The following EPB41L1 variants were observed in gnomAD, a reference collection of about 807,000 sequenced individuals.
EPB41L1 encodes the protein band 4.1-like protein 1.
Under a neutral mutation model 97.8 loss-of-function variants are expected in EPB41L1, and 29 were observed. The observed-to-expected ratio is 0.30, with a 90% CI of 0.22 to 0.40. The LOEUF (loss-of-function observed/expected upper bound fraction) is 0.40. Ranked by LOEUF, EPB41L1 falls within the 10% of genes least tolerant of loss-of-function variation. The pLI is 1.00. For missense variants in EPB41L1, 812 were observed against 1,162.3 expected (o/e 0.70, Z 4.38); for synonymous variants, 383 against 459.2 (o/e 0.83, Z 2.12).
intron 2 of EPB41L1, among the ~76,000 whole-genome samples, chr20:36,117,323 T>G (rs978852266): frequency 2.0e-5 from 3 of 152,216 alleles, no homozygotes; most frequent in African/African-American, 7.2e-5. Flanking sequence ...GTATTTCTTC[T>G]GTGACTCTTA....
At chr20:36,138,015 A>G (rs575987283) in intron 2 of EPB41L1, among the ~76,000 whole-genome samples, 2 of 152,334 alleles carry the variant, frequency 1.3e-5, no homozygotes, top group East Asian at 3.9e-4. Flanking sequence ...AATGTCCTCA[A>G]GTTCACCCAT....
chr20:36,109,321 T>C (rs2058311904), intron 1 of EPB41L1, among the ~76,000 whole-genome samples: 1 of 152,198 alleles, frequency 6.6e-6, no homozygotes, highest in Admixed American at 6.5e-5. Flanking sequence ...TCACTTGCTC[T>C]GTGTGTGACC....
In EPB41L1 at chr20:36,199,047, G is replaced by A. The variant is rs1439456474; in HGVS notation, c.1668+1006G>A. On this transcript the variant is annotated intron_variant, in intron 14 of 21. Coordinates refer to ENST00000338074, the MANE Select transcript of EPB41L1 (RefSeq NM_012156.2). ...AGTTCCAGACTCTTCCACAGAGGAG[G>A]TTAACTTCAAATCAGGATAAAGAAA... is the stretch of plus-strand genomic sequence containing the variant. Among the ~76,000 whole-genome samples, 3 of 152,180 alleles carry A rather than the reference G, an allele frequency of 2.0e-5. No homozygotes were observed. The East Asian group carries it at 5.8e-4, about 29-fold the overall frequency.
At chr20:36,123,173 C>CG (rs1450231006) in intron 2 of EPB41L1, among the ~76,000 whole-genome samples, 7 of 151,730 alleles carry the variant, frequency 4.6e-5, no homozygotes, top group Admixed American at 2.6e-4. Context: ...TCTCCATGAT[C>CG]GGGGGGGAGG....
At chr20:36,119,717 G>A (rs761821792) in intron 2 of EPB41L1, among the ~76,000 whole-genome samples, 7 of 151,998 alleles carry the variant, frequency 4.6e-5, no homozygotes, top group Admixed American at 1.3e-4. Flanking sequence ...GCAGGGTAGG[G>A]TATCTTCATG....
Position 36,190,207 on chromosome 20 carries a change from A to C in EPB41L1, c.1027-70A>C. ...AAACATTAAACAAATAAAATAAAAA[A>C]CACAAAGAATGGGCTAGTGGCGAGA... On this transcript the variant is annotated intron_variant, in intron 9 of 21. Transcript: ENST00000338074. This position sits in a 1 kb window ranked among gnomAD's most constrained non-coding sequence, Gnocchi z 5.8. 8.0e-7 allele frequency: 1 copy of C among 1,253,202 alleles called. No homozygotes were observed. The highest frequency in any genetic ancestry group is 1.2e-5 in the South Asian group (1 of 80,076). 77.6% of individuals were successfully genotyped at this position (1,253,202 alleles called of 1,614,324 possible). A position where few individuals can be genotyped will look rare whatever the true frequency, so the allele number is the denominator to read the frequency against.
intron 2 of EPB41L1, among the ~76,000 whole-genome samples, chr20:36,136,217 C>CTGGA (rs370158660): frequency 4.6e-5 from 7 of 152,226 alleles, no homozygotes; most frequent in South Asian, 2.1e-4. Flanking sequence ...GTTGCCCAGG[C>CTGGA]TGGAGTGCAG....
At position 36,209,812 on chromosome 20, in the gene EPB41L1, G is replaced by T; in HGVS notation, c.1993G>T (p.Ala665Ser). 6.2e-7 allele frequency: 1 copy of T among 1,613,776 alleles called. No individual in the cohort carries two copies. The highest frequency in any genetic ancestry group is 1.7e-5 in the Admixed American group (1 of 60,014). ...GTTCTCCCGGGATCTCAACAAGGGG[G>T]CCCCCAGCCAGGATGATGAGTCTGG... ...LLFSRDLNKG[A>S]PSQDDESGGI... Residue 665 changes from alanine to serine, a missense_variant, in exon 15 of 22, where the codon GCC becomes TCC. Coordinates refer to ENST00000338074, the MANE Select transcript of EPB41L1 (RefSeq NM_012156.2). This position sits in a 1 kb window ranked among gnomAD's most constrained non-coding sequence, Gnocchi z 4.2.
In EPB41L1 at chr20:36,106,865, A is replaced by G. The variant is rs548253027; in HGVS notation, c.-64-5561A>G. ...AACTCTGTCGCCCAGGCTGGAGTGC[A>G]GTGGCACAATCATTGCAACGTCTGC... is the stretch of plus-strand genomic sequence containing the variant. On this transcript the variant is annotated intron_variant, in intron 1 of 19. Coordinates refer to the EPB41L1 transcript ENST00000202028. 2.6e-5 allele frequency among the ~76,000 whole-genome samples: 4 copies of G among 152,350 alleles called. No homozygotes were observed. The East Asian group carries it at 7.7e-4, about 29-fold the overall frequency.
rs1276419057 is a variant in EPB41L1, at chr20:36,219,781, C to T, written c.2376C>T (p.Leu792=). The T allele has an allele frequency of 1.9e-6, 3 of 1,614,240 alleles. No homozygotes were observed. Among genetic ancestry groups the T allele is most frequent in the Non-Finnish European group, 2.5e-6 (3 of 1,180,044 alleles). The change falls in exon 19 of 22, where the codon CTC becomes CTT. Residue 792 remains leucine (L), a synonymous_variant. Transcript: ENST00000338074. ...TGCAGATCATCGGGAAAGATGTCCT[C>T]ACCAGCACCTACGGCGCCACTGCGG... is the stretch of plus-strand genomic sequence containing the variant. ...SLSPIIGKDV[L]TSTYGATAET...
intron 1 of EPB41L1, among the ~76,000 whole-genome samples, chr20:36,163,817 G>A (rs186891604): frequency 1.3e-5 from 2 of 152,034 alleles, no homozygotes; most frequent in African/African-American, 4.8e-5. Flanking sequence ...ATACACCCAG[G>A]ATCTCTCTCC....
chr20:36,093,434 T>C lies in EPB41L1; in HGVS notation c.-65+1822T>C, dbSNP rs1225581116. 6.6e-6 allele frequency among the ~76,000 whole-genome samples: 1 copy of C among 151,452 alleles called. No homozygotes were observed. The highest frequency in any genetic ancestry group is 1.5e-5 in the Non-Finnish European group (1 of 67,850). On this transcript the variant is annotated intron_variant, in intron 1 of 19. Coordinates refer to the EPB41L1 transcript ENST00000202028. This position sits in a 1 kb window ranked among gnomAD's most constrained non-coding sequence, Gnocchi z 5.4. ...CCCCGTGTGCGTGTGCGCGGCTTTG[T>C]CTTCGCACTGCCGGGAGGAAGCGGT...
At chr20:36,219,650 T>C (rs2063655984) in intron 18 of EPB41L1, 111 bp from the exon 19 acceptor site, 10 of 854,636 alleles carry the variant, frequency 1.2e-5, no homozygotes, top group Admixed American at 1.8e-5. Context: ...GAAAGCATCT[T>C]GGCTTCGAAA....
In EPB41L1 at chr20:36,207,755, C is replaced by A. The variant is rs1023643532; in HGVS notation, c.1669-1733C>A. The A allele has an allele frequency of 1.6e-6, 2 of 1,289,676 alleles. No individual in the cohort carries two copies. Among genetic ancestry groups the A allele is most frequent in the Non-Finnish European group, 2.0e-6 (2 of 988,704 alleles). 79.9% of individuals were successfully genotyped at this position (1,289,676 alleles called of 1,614,324 possible). ...TCCCCCAATTCAGGCTGTGAAACCACGCTGGCAGAAGCTACTGGAACTGGG... is the reference window on the plus strand; with the variant it reads ...TCCCCCAATTCAGGCTGTGAAACCAAGCTGGCAGAAGCTACTGGAACTGGG... On this transcript the variant is annotated intron_variant, in intron 14 of 21. Coordinates refer to ENST00000338074, the MANE Select transcript of EPB41L1 (RefSeq NM_012156.2). This position sits in a 1 kb window ranked among gnomAD's most constrained non-coding sequence, Gnocchi z 4.9.
At chr20:36,125,484 A>G in intron 2 of EPB41L1, 1 of 1,342,334 alleles carries the variant, frequency 7.4e-7, no homozygotes, top group Non-Finnish European at 1.0e-6. Flanking sequence ...GAACCTGCAA[A>G]GGGCTTAGCA....
At chr20:36,154,639 G>A, upstream of EPB41L1, 1 of 962,588 alleles carries the variant, frequency 1.0e-6, no homozygotes, top group Non-Finnish European at 1.2e-6. The surrounding 1 kb of genome is among the most constrained non-coding windows in gnomAD (Gnocchi z 5.5). Context: ...GCCGGGGCGG[G>A]GGCGGGGGCT....
chr20:36,209,935 G>A lies in EPB41L1; in HGVS notation c.2079+37G>A, dbSNP rs1254747504. ...CTTCCTCAAGAGCCAGGCCCGCTGG[G>A]CACCGCATGCTCAGAGGGCCCTGGG... On this transcript the variant is annotated intron_variant, in intron 15 of 21. Transcript: ENST00000338074. The surrounding 1 kb of genome is among the most constrained non-coding windows in gnomAD (Gnocchi z 4.2). The A allele has an allele frequency of 1.2e-6, 2 of 1,607,574 alleles. No homozygotes were observed. The highest frequency in any genetic ancestry group is 1.7e-4 in the Middle Eastern group (1 of 5,782).
At chr20:36,166,337 T>G (rs2060737418) in intron 1 of EPB41L1, among the ~76,000 whole-genome samples, 1 of 152,196 alleles carries the variant, frequency 6.6e-6, no homozygotes, top group African/African-American at 2.4e-5. Context: ...ATAATAAGAG[T>G]ACCTATTACC....
At chr20:36,148,340 G>T (rs769346009) in intron 2 of EPB41L1, among the ~76,000 whole-genome samples, 2 of 152,196 alleles carry the variant, frequency 1.3e-5, no homozygotes, top group African/African-American at 2.4e-5. Context: ...AGAGGAGTTG[G>T]TGCAAAGAGG....
Sources: gnomAD v4.1 joint callset for allele counts (sites outside exome capture counted in the v4.1 genomes callset) on GRCh38, gnomAD v4.1.1 for gene constraint, Gnocchi (gnomAD v3.1) non-coding constraint, MANE v1.5 for transcripts, NCBI Gene and HGNC (gene_info 2026-07-23, HGNC 2026-07-21) for gene names.